The following RNF43 variants were observed in gnomAD, a reference collection of about 807,000 sequenced individuals.
RNF43 encodes the protein E3 ubiquitin-protein ligase RNF43.
RNF43 carries 37 observed loss-of-function variants against 78.4 expected under a neutral mutation model. That is an observed-to-expected ratio of 0.47 (90% CI 0.36 to 0.62). The LOEUF (loss-of-function observed/expected upper bound fraction) is 0.62. RNF43 is among the 20% of genes least tolerant of loss of function. The probability of loss-of-function intolerance (pLI) is 0.00; values close to 1 mark genes in which losing one functional copy is unlikely to be tolerated. For missense variants in RNF43, 774 were observed against 1,007.9 expected (o/e 0.77, Z 3.14); for synonymous variants, 347 against 395.0 (o/e 0.88, Z 1.44).
intron 2 of RNF43, 79 bp downstream of exon 2, chr17:58,415,246 TG>T: frequency 1.4e-6 from 2 of 1,463,852 alleles, no homozygotes; most frequent in South Asian, 1.2e-5. Context: ...AGCCCGTGTA[TG>T]GTATTTCATT....
At chr17:58,413,543 C>T (rs1469005671) in intron 2 of RNF43, among the ~76,000 whole-genome samples, 1 of 151,940 alleles carries the variant, frequency 6.6e-6, no homozygotes, top group Non-Finnish European at 1.5e-5. Context: ...TCCCTCTTCA[C>T]AAAGTAAAAG....
intron 2 of RNF43, among the ~76,000 whole-genome samples, chr17:58,382,055 C>T (rs1226688102): frequency 6.6e-6 from 1 of 152,096 alleles, no homozygotes; most frequent in Admixed American, 6.6e-5. Context: ...GCCCTCAGTC[C>T]CCAGAAACTA....
At chr17:58,412,497 C>A (rs1364764561) in intron 2 of RNF43, among the ~76,000 whole-genome samples, 1 of 152,038 alleles carries the variant, frequency 6.6e-6, no homozygotes, top group Admixed American at 6.6e-5. Context: ...GAAACCTAAG[C>A]ACAAAGACTG....
chr17:58,379,708 G>A (rs537915125), intron 2 of RNF43, among the ~76,000 whole-genome samples: 12 of 152,312 alleles, frequency 7.9e-5, no homozygotes, highest in African/African-American at 2.9e-4. Context: ...GAGTGCACTC[G>A]TAAGCAAATG....
chr17:58,367,761 T>C (rs1017208693), intron 3 of RNF43, among the ~76,000 whole-genome samples: 1 of 152,098 alleles, frequency 6.6e-6, no homozygotes, highest in African/African-American at 2.4e-5. Flanking sequence ...AGAAGAATTA[T>C]GGTGAGGGTT....
intron 2 of RNF43, among the ~76,000 whole-genome samples, chr17:58,389,768 C>T (rs1973512596): frequency 6.6e-6 from 1 of 152,190 alleles, no homozygotes; most frequent in African/African-American, 2.4e-5. Flanking sequence ...CTTATAAATT[C>T]TGTATTTCTA....
In RNF43 at chr17:58,354,639, C is replaced by T; in HGVS notation, c.*304G>A. 2.2e-6 allele frequency: 1 copy of T among 461,646 alleles called. No homozygotes were observed. Among genetic ancestry groups the T allele is most frequent in the Non-Finnish European group, 4.0e-6 (1 of 248,706 alleles). The allele number at this position is 461,646 out of a possible 1,614,324, so 28.6% of individuals were successfully genotyped here. Reference sequence around the variant, plus strand: ...CTGGCTACCCATAGCTAGCTTTCTGCCCTCAAAAACTCAGCCTTCAAGGGA... The same window carrying T: ...CTGGCTACCCATAGCTAGCTTTCTGTCCTCAAAAACTCAGCCTTCAAGGGA... On this transcript the variant is annotated 3_prime_UTR_variant, in exon 10 of 10. Transcript: ENST00000407977.
At chr17:58,373,233 C>G (rs1973138953) in intron 2 of RNF43, among the ~76,000 whole-genome samples, 2 of 152,210 alleles carry the variant, frequency 1.3e-5, no homozygotes, top group Admixed American at 1.3e-4. Flanking sequence ...AGAGGAAAGT[C>G]ACTTTGGAGA....
chr17:58,362,490 C>A (rs2143457275), intron 6 of RNF43, 54 bp downstream of exon 6: 2 of 1,335,742 alleles, frequency 1.5e-6, no homozygotes, highest in Non-Finnish European at 2.1e-6. Context: ...TCCCTAACCA[C>A]CCACCCACAC....
intron 2 of RNF43, among the ~76,000 whole-genome samples, chr17:58,381,965 A>G (rs1284540406): frequency 1.3e-5 from 2 of 152,084 alleles, no homozygotes; most frequent in African/African-American, 4.8e-5. Flanking sequence ...TGAGAACTCC[A>G]ATCCTATAGC....
chr17:58,362,110 C>CA (rs987939955), intron 6 of RNF43, among the ~76,000 whole-genome samples: 32 of 125,838 alleles, frequency 2.5e-4, no homozygotes, highest in Non-Finnish European at 3.4e-4. Context: ...AACAAACAAA[C>CA]AAAAAAAAAC....
chr17:58,386,749 T>C (rs902961530), intron 2 of RNF43, among the ~76,000 whole-genome samples: 2 of 152,378 alleles, frequency 1.3e-5, no homozygotes, highest in South Asian at 2.1e-4. Context: ...TCTCTTCTTC[T>C]TCATCTGAAA....
intron 9 of RNF43, among the ~76,000 whole-genome samples, chr17:58,356,472 C>T (rs1331837156): frequency 6.6e-6 from 1 of 152,102 alleles, no homozygotes; most frequent in African/African-American, 2.4e-5. Context: ...GGCAAGTAAA[C>T]ACCATGTTAA....
At chr17:58,403,761 C>A (rs1973852659) in intron 2 of RNF43, among the ~76,000 whole-genome samples, 1 of 152,228 alleles carries the variant, frequency 6.6e-6, no homozygotes, top group African/African-American at 2.4e-5. Flanking sequence ...CCCCTCACCC[C>A]ATGGGTGAAC....
intron 2 of RNF43, among the ~76,000 whole-genome samples, chr17:58,371,953 T>C (rs1035574957): frequency 3.3e-5 from 5 of 152,218 alleles, no homozygotes; most frequent in African/African-American, 9.6e-5. Flanking sequence ...CTAAACAAAA[T>C]GTCAGAGTGC....
intron 2 of RNF43, among the ~76,000 whole-genome samples, chr17:58,410,041 AAATGAAC>A (rs1365843232): frequency 1.5e-5 from 2 of 133,864 alleles, no homozygotes; most frequent in East Asian, 5.2e-4. Context: ...AGAGTCTGCC[AAATGAAC>A]ACTAAATAGC....
At chr17:58,392,251 T>C (rs1973575862) in intron 2 of RNF43, among the ~76,000 whole-genome samples, 1 of 152,218 alleles carries the variant, frequency 6.6e-6, no homozygotes, top group African/African-American at 2.4e-5. Flanking sequence ...AATACCTCTT[T>C]ATTGGGGTGA....
chr17:58,385,322 T>G (rs533164870), intron 2 of RNF43, among the ~76,000 whole-genome samples: 5 of 152,356 alleles, frequency 3.3e-5, no homozygotes, highest in Admixed American at 6.5e-5. Context: ...GAAGTCCTAC[T>G]GATATCTCAA....
Position 58,363,279 on chromosome 17 carries a change from G to A in RNF43, c.578C>T (p.Ala193Val), listed in dbSNP as rs1335435101. 1.2e-6 allele frequency: 2 copies of A among 1,613,550 alleles called. No individual in the cohort carries two copies. Among genetic ancestry groups the A allele is most frequent in the East Asian group, 4.5e-5 (2 of 44,884 alleles). Residue 193 changes from alanine to valine, a missense_variant, in exon 5 of 10, where the codon GCC becomes GTC. Ala to Val is a moderately conservative substitution (Grantham distance 64). Transcript: ENST00000407977. Reference protein sequence around the residue: ...HVRIELKEPPAWPDYDVWILM... With the variant: ...HVRIELKEPPVWPDYDVWILM... ...CTGGAGGTCTAGTGTGCTTACCCAG[G>A]CCGGGGGCTCCTTCAGCTCAATCCT...
Sources: gnomAD v4.1 joint callset for allele counts (sites outside exome capture counted in the v4.1 genomes callset) on GRCh38, gnomAD v4.1.1 for gene constraint, MANE v1.5 for transcripts, NCBI Gene and HGNC (gene_info 2026-07-23, HGNC 2026-07-21) for gene names.